Variants in TFRC observed in about 807,000 individuals in gnomAD.
TFRC encodes transferrin receptor protein 1.
TFRC carries 35 observed loss-of-function variants against 85.8 expected under a neutral mutation model. The observed-to-expected ratio is 0.41, with a 90% CI of 0.31 to 0.54. The LOEUF (loss-of-function observed/expected upper bound fraction) is 0.54. Ranked by LOEUF, TFRC falls within the 20% of genes least tolerant of loss-of-function variation. TFRC has a pLI of 0.31. For missense variants in TFRC, 828 were observed against 921.5 expected (o/e 0.90, Z 1.31); for synonymous variants, 362 against 328.6 (o/e 1.10, Z -1.10).
intron 1 of TFRC, among the ~76,000 whole-genome samples, chr3:196,081,262 T>G (rs868501469): frequency 2.6e-5 from 4 of 152,192 alleles, no homozygotes; most frequent in South Asian, 2.1e-4. Context: ...ATTCTTAATG[T>G]GAACACCTGC....
chr3:196,082,078 A>T lies in TFRC; in HGVS notation c.-59T>A, dbSNP rs933193438. The T allele has an allele frequency of 6.5e-6, 1 of 153,546 alleles. No homozygotes were observed. Among genetic ancestry groups the T allele is most frequent in the Admixed American group, 6.5e-5 (1 of 15,318 alleles). The allele number at this position is 153,546 out of a possible 1,614,324, so 9.5% of individuals were successfully genotyped here. A position where few individuals can be genotyped will look rare whatever the true frequency, so the allele number is the denominator to read the frequency against. ...CCTCCGTCCCGAGCCGCCACCCGAT[A>T]TCCCGACGCTCTGAGGGGATGGCGG... On this transcript the variant is annotated 5_prime_UTR_variant, in exon 1 of 19. Coordinates refer to ENST00000360110, the MANE Select transcript of TFRC (RefSeq NM_001128148.3).
In TFRC at chr3:196,058,272, G is replaced by C; in HGVS notation, c.1677+12C>G. On this transcript the variant is annotated intron_variant, in intron 16 of 18. Transcript: ENST00000360110. ...GCCTCTCTCCATTTGTCATTTAAAT[G>C]AACAGACTTACCTCGCAAAAACAGA... The C allele has an allele frequency of 1.2e-6, 2 of 1,610,074 alleles. No homozygotes were observed. Among genetic ancestry groups the C allele is most frequent in the East Asian group, 2.2e-5 (1 of 44,838 alleles).
At chr3:196,065,634 A>T in intron 9 of TFRC, 34 bp from the exon 10 acceptor site, 1 of 1,570,242 alleles carries the variant, frequency 6.4e-7, no homozygotes, top group Non-Finnish European at 8.6e-7. Context: ...GTTCTGAGTT[A>T]TTGTTCCTTG....
In TFRC at chr3:196,071,889, G is replaced by C. The variant is rs1482536356; in HGVS notation, c.584+114C>G. On this transcript the variant is annotated intron_variant, in intron 5 of 18. Coordinates refer to ENST00000360110, the MANE Select transcript of TFRC (RefSeq NM_001128148.3). ...ACTGCACTCCAGCCTGGGCAACAGA[G>C]CGAGACTCCATTTCAAAAAAAAGCC... The C allele has an allele frequency of 6.8e-6, 8 of 1,175,146 alleles. No homozygotes were observed. In the East Asian group the frequency reaches 7.5e-5, roughly 11 times the overall value. 72.8% of individuals were successfully genotyped at this position (1,175,146 alleles called of 1,614,324 possible).
Position 196,072,090 on chromosome 3 carries a change from G to A in TFRC, c.497C>T (p.Ala166Val), listed in dbSNP as rs771569167. Residue 166 changes from alanine (A) to valine (V), a missense_variant, in exon 5 of 19, where the codon GCG becomes GTG. By Grantham distance (64) the Ala-to-Val change is moderately conservative. Coordinates refer to ENST00000360110, the MANE Select transcript of TFRC (RefSeq NM_001128148.3). ...EAGSQKDENL[A>V]LYVENQFREF... is the part of the protein sequence containing the mutation. ...ACGAAATTGATTTTCAACATACAAC[G>A]CAAGATTTTCATCTTTTTGAGATCC... 7 of 1,614,046 alleles carry A rather than the reference G, an allele frequency of 4.3e-6. No individual in the cohort carries two copies. Among genetic ancestry groups the A allele is most frequent in the South Asian group, 3.3e-5 (3 of 91,078 alleles).
chr3:196,076,157 A>AAAAT (rs536846888), intron 2 of TFRC, among the ~76,000 whole-genome samples: 52 of 152,056 alleles, frequency 3.4e-4, no homozygotes, highest in African/African-American at 1.0e-3. Context: ...AAATAAAATA[A>AAAAT]AAATAAATAA....
At chr3:196,068,206 T>A in intron 7 of TFRC, 76 bp from the exon 8 acceptor site, 1 of 1,034,980 alleles carries the variant, frequency 9.7e-7, no homozygotes, top group Non-Finnish European at 1.4e-6. Context: ...GACATTATGC[T>A]AAAGGCCAAA....
intron 5 of TFRC, 124 bp from the exon 6 acceptor site, chr3:196,071,622 T>A (rs1718214947): frequency 2.9e-6 from 3 of 1,032,058 alleles, no homozygotes; most frequent in Non-Finnish European, 2.9e-6. Context: ...TAAGCTTGAT[T>A]TTTATTTTAA....
At chr3:196,059,917 A>G (rs1383524851) in intron 14 of TFRC, among the ~76,000 whole-genome samples, 1 of 152,196 alleles carries the variant, frequency 6.6e-6, no homozygotes, top group Non-Finnish European at 1.5e-5. Context: ...CTCTATAGAC[A>G]ATCCCCTGTG....
chr3:196,058,222 AATACAG>A, intron 16 of TFRC, 56 bp downstream of exon 16: 2 of 1,412,504 alleles, frequency 1.4e-6, no homozygotes, highest in East Asian at 4.6e-5. Context: ...CCTATTCCCA[AATACAG>A]ATCACTTCCT....
rs777191302 is a variant in TFRC, at chr3:196,052,139, G to C, written c.2086C>G (p.Pro696Ala). The C allele has an allele frequency of 1.2e-6, 2 of 1,614,122 alleles. No homozygotes were observed. The highest frequency in any genetic ancestry group is 3.3e-5 in the Admixed American group (2 of 60,018). ...LSPYVSPKES[P>A]FRHVFWGSGS... ...GAGCCCCAGAAGACATGTCGGAAAG[G>C]AGACTCTTTTGGAGATACGTAGGGA... Residue 696 changes from proline to alanine, a missense_variant, in exon 19 of 19, where the codon CCT becomes GCT. Coordinates refer to ENST00000360110, the MANE Select transcript of TFRC (RefSeq NM_001128148.3).
chr3:196,073,322 G>A (rs1367431723), intron 4 of TFRC, among the ~76,000 whole-genome samples: 1 of 151,804 alleles, frequency 6.6e-6, no homozygotes, highest in Admixed American at 6.6e-5. Context: ...AGCTGGGTGT[G>A]GTGCTGCGTG....
Position 196,073,912 on chromosome 3 carries a change from A to G in TFRC, c.434+18T>C. ...TTGAATTACTTGTCTAGATACTTGC[A>G]CAGCAGCTGGCACTCACTTGATGGT... is the stretch of plus-strand genomic sequence containing the variant. On this transcript the variant is annotated intron_variant, in intron 4 of 18. Coordinates refer to ENST00000360110, the MANE Select transcript of TFRC (RefSeq NM_001128148.3). 6.2e-7 allele frequency: 1 copy of G among 1,605,450 alleles called. No individual in the cohort carries two copies.
chr3:196,058,458 T>C, intron 15 of TFRC, 93 bp from the exon 16 acceptor site: 2 of 1,479,684 alleles, frequency 1.4e-6, no homozygotes, highest in East Asian at 2.3e-5. Context: ...ATTCTTTAGC[T>C]GAATATCTTT....
intron 13 of TFRC, among the ~76,000 whole-genome samples, chr3:196,061,096 A>G (rs1326707139): frequency 1.3e-5 from 2 of 152,176 alleles, no homozygotes; most frequent in African/African-American, 4.8e-5. Context: ...TTCTCAGCTC[A>G]TCAGCTACAT....
intron 4 of TFRC, among the ~76,000 whole-genome samples, chr3:196,072,354 C>G (rs1198844967): frequency 6.6e-6 from 1 of 152,178 alleles, no homozygotes; most frequent in African/African-American, 2.4e-5. Flanking sequence ...TTCAAAGCTT[C>G]TTTACCCACT....
intron 17 of TFRC, 52 bp from the exon 18 acceptor site, chr3:196,053,610 T>C (rs757300406): frequency 6.2e-7 from 1 of 1,600,580 alleles, no homozygotes; most frequent in Non-Finnish European, 8.5e-7. Context: ...GGACATTCTT[T>C]TGTATGCCTT....
Position 196,078,780 on chromosome 3 carries a change from T to C in TFRC, c.-23-1658A>G, listed in dbSNP as rs548079010. On this transcript the variant is annotated intron_variant, in intron 1 of 18. Transcript: ENST00000360110. ...ACCATATTCTTAGAAGCATAATCTT[T>C]TTTTTTTTCTTGAGACAGAGTTTCG... 2.0e-5 allele frequency among the ~76,000 whole-genome samples: 3 copies of C among 152,142 alleles called. No homozygotes were observed. In the South Asian group the frequency reaches 6.2e-4, roughly 32 times the overall value.
At chr3:196,053,102 G>C (rs1184328412) in intron 18 of TFRC, among the ~76,000 whole-genome samples, 1 of 149,148 alleles carries the variant, frequency 6.7e-6, no homozygotes, top group African/African-American at 2.5e-5. Context: ...CAACAACAGT[G>C]AAACTCTGTC....
Sources: gnomAD v4.1 joint callset for allele counts (sites outside exome capture counted in the v4.1 genomes callset) on GRCh38, gnomAD v4.1.1 for gene constraint, MANE v1.5 for transcripts, NCBI Gene and HGNC (gene_info 2026-07-23, HGNC 2026-07-21) for gene names.